The following PPFIBP1 variants were observed in gnomAD, a reference collection of about 807,000 sequenced individuals.
PPFIBP1 encodes the protein PPFIB scaffold protein 1, also known as liprin-beta-1.
PPFIBP1 carries 112 observed loss-of-function variants against 137.8 expected under a neutral mutation model. The observed-to-expected ratio is 0.81, with a 90% CI of 0.70 to 0.95. The LOEUF (loss-of-function observed/expected upper bound fraction) is 0.95, where lower values mean the gene tolerates loss of function less well. PPFIBP1 is among the 40% of genes least tolerant of loss of function. The probability of loss-of-function intolerance (pLI) is 0.00; values close to 1 mark genes in which losing one functional copy is unlikely to be tolerated. For missense variants in PPFIBP1, 1,083 were observed against 1,196.6 expected (o/e 0.91, Z 1.40); for synonymous variants, 378 against 417.3 (o/e 0.91, Z 1.15).
At chr12:27,658,660 ACCAATCCTG>A (rs1565956616) in intron 9 of PPFIBP1, among the ~76,000 whole-genome samples, 147 bp from the exon 10 acceptor site, 1 of 152,214 alleles carries the variant, frequency 6.6e-6, no homozygotes, top group Non-Finnish European at 1.5e-5. Flanking sequence ...TTATTGTACT[ACCAATCCTG>A]CAGTCACAAA....
intron 2 of PPFIBP1, among the ~76,000 whole-genome samples, chr12:27,610,027 T>C (rs1445438441): frequency 2.3e-4 from 35 of 152,134 alleles, no homozygotes; most frequent in Non-Finnish European, 5.9e-5. Flanking sequence ...TCCAGGTGAA[T>C]GCAGCCCCCG....
In PPFIBP1 at chr12:27,693,084, A is replaced by G. The variant is rs2061648472; in HGVS notation, c.*202A>G. On this transcript the variant is annotated 3_prime_UTR_variant, in exon 30 of 30. Transcript: ENST00000228425. ...AAATAAGACACTGGTGAATGAGAGT[A>G]TAATTGTTTTTCTTCTATTTAATGT... 1 of 646,754 alleles carries G rather than the reference A, an allele frequency of 1.5e-6. No individual in the cohort carries two copies. The highest frequency in any genetic ancestry group is 2.4e-6 in the Non-Finnish European group (1 of 422,070). The allele number at this position is 646,754 out of a possible 1,614,324, so 40.1% of individuals were successfully genotyped here.
intron 4 of PPFIBP1, among the ~76,000 whole-genome samples, 171 bp from the exon 5 acceptor site, chr12:27,645,889 ACC>A (rs2058442113): frequency 1.3e-5 from 2 of 152,138 alleles, no homozygotes; most frequent in Admixed American, 1.3e-4. Flanking sequence ...TGCCTGTCTT[ACC>A]TCTTTTGTGG....
chr12:27,679,926 T>G lies in PPFIBP1; in HGVS notation c.1767-7T>G. On this transcript the variant is annotated splice_polypyrimidine_tract_variant and splice_region_variant and intron_variant, in intron 20 of 29. Coordinates refer to ENST00000228425, the MANE Select transcript of PPFIBP1 (RefSeq NM_003622.4). ...CTAATACTGGCCATGTGTGTTGTCT[T>G]CTTTAGACTTAGGAGAAGTCAATCA... The G allele has an allele frequency of 6.2e-7, 1 of 1,614,092 alleles. No individual in the cohort carries two copies. Among genetic ancestry groups the G allele is most frequent in the East Asian group, 2.2e-5 (1 of 44,876 alleles).
At chr12:27,551,470 A>C (rs1302130317) in intron 1 of PPFIBP1, among the ~76,000 whole-genome samples, 1 of 152,178 alleles carries the variant, frequency 6.6e-6, no homozygotes, top group Admixed American at 6.5e-5. Context: ...GCAACAGAGG[A>C]GGTTTAAAAG....
At chr12:27,598,407 G>A (rs1209969807) in intron 2 of PPFIBP1, among the ~76,000 whole-genome samples, 1 of 152,080 alleles carries the variant, frequency 6.6e-6, no homozygotes, top group African/African-American at 2.4e-5. Flanking sequence ...AACAGCGTGG[G>A]AAAGACCCAC....
Position 27,646,067 on chromosome 12 carries a change from T to C in PPFIBP1, c.276T>C (p.Asn92=), listed in dbSNP as rs1479668226. 1.9e-6 allele frequency: 3 copies of C among 1,603,606 alleles called. No individual in the cohort carries two copies. In the Admixed American group the frequency reaches 5.0e-5, roughly 27 times the overall value. ...LVEWLQSQMT[N]GHLPGNGDVY... Reference sequence around the variant, plus strand: ...CATATTACTTCCTTTTTCAGACAAATGGACACCTACCAGGGAACGGAGATG... The same window carrying C: ...CATATTACTTCCTTTTTCAGACAAACGGACACCTACCAGGGAACGGAGATG... The change falls in exon 5 of 30, where the codon AAT becomes AAC. Residue 92 remains asparagine, a synonymous_variant. Transcript: ENST00000228425.
At position 27,620,435 on chromosome 12, in the gene PPFIBP1, C is replaced by A. The variant is rs1479369510; in HGVS notation, c.-35-12927C>A. 3.3e-5 allele frequency among the ~76,000 whole-genome samples: 5 copies of A among 152,326 alleles called. No homozygotes were observed. In the South Asian group the frequency reaches 6.2e-4, roughly 19 times the overall value. On this transcript the variant is annotated intron_variant, in intron 2 of 29. Coordinates refer to ENST00000228425, the MANE Select transcript of PPFIBP1 (RefSeq NM_003622.4). ...GGGGCCTTTGCATTTACTGTTGTTT[C>A]TCCCTGGAAGCTCTTCTCAGATATT...
chr12:27,617,497 C>G (rs1397234055), intron 2 of PPFIBP1, among the ~76,000 whole-genome samples: 1 of 152,088 alleles, frequency 6.6e-6, no homozygotes, highest in Non-Finnish European at 1.5e-5. Context: ...TACAATTGTC[C>G]CTTGGTATCC....
At chr12:27,618,785 C>T (rs1228139914) in intron 2 of PPFIBP1, among the ~76,000 whole-genome samples, 2 of 152,178 alleles carry the variant, frequency 1.3e-5, no homozygotes, top group African/African-American at 4.8e-5. Flanking sequence ...ATGTTTGGCT[C>T]AGAATAAATC....
intron 1 of PPFIBP1, among the ~76,000 whole-genome samples, chr12:27,529,525 C>T (rs890927612): frequency 6.6e-6 from 1 of 152,174 alleles, no homozygotes; most frequent in Admixed American, 6.5e-5. Flanking sequence ...AAAACCCCGT[C>T]TCTACTAAAA....
chr12:27,647,053 G>A (rs2058554303), intron 5 of PPFIBP1, among the ~76,000 whole-genome samples: 2 of 152,226 alleles, frequency 1.3e-5, no homozygotes, highest in African/African-American at 4.8e-5. Context: ...CGAGACGGGA[G>A]TGCAGTGGCA....
At chr12:27,651,082 G>A (rs1342273413) in intron 7 of PPFIBP1, among the ~76,000 whole-genome samples, 2 of 152,106 alleles carry the variant, frequency 1.3e-5, no homozygotes, top group African/African-American at 2.4e-5. Context: ...CTATAAGCCA[G>A]CATGATACCA....
chr12:27,570,045 A>G (rs138316758), intron 1 of PPFIBP1, among the ~76,000 whole-genome samples: 47 of 152,290 alleles, frequency 3.1e-4, no homozygotes, highest in African/African-American at 1.1e-3. Context: ...AGAGTTCTAC[A>G]ACATCGCCAC....
intron 3 of PPFIBP1, 41 bp from the exon 4 acceptor site, chr12:27,634,869 C>T (rs574725105): frequency 6.4e-7 from 1 of 1,555,010 alleles, no homozygotes; most frequent in Non-Finnish European, 8.9e-7. Flanking sequence ...TTTTATCTAA[C>T]ATAAATCCCA....
chr12:27,600,648 G>A (rs1260733853), intron 2 of PPFIBP1, among the ~76,000 whole-genome samples: 2 of 151,168 alleles, frequency 1.3e-5, no homozygotes, highest in African/African-American at 4.9e-5. Context: ...GCATTATTCT[G>A]AATTTGATGT....
intron 24 of PPFIBP1, among the ~76,000 whole-genome samples, chr12:27,686,848 C>T (rs2061233567): frequency 6.7e-6 from 1 of 148,496 alleles, no homozygotes; most frequent in Non-Finnish European, 1.5e-5. Flanking sequence ...ATAGCCTGGG[C>T]AGTATAGTGA....
At chr12:27,574,394 C>G (rs1442748969) in intron 1 of PPFIBP1, among the ~76,000 whole-genome samples, 1 of 152,144 alleles carries the variant, frequency 6.6e-6, no homozygotes, top group African/African-American at 2.4e-5. Flanking sequence ...CTCCTGAAGC[C>G]TTTCTGAAGG....
At chr12:27,598,043 G>A (rs1427241289) in intron 2 of PPFIBP1, among the ~76,000 whole-genome samples, 1 of 152,008 alleles carries the variant, frequency 6.6e-6, no homozygotes, top group Non-Finnish European at 1.5e-5. Context: ...GACCTCAGGC[G>A]ATCCACCCAC....
Sources: allele counts gnomAD v4.1 joint callset (sites outside exome capture counted in the v4.1 genomes callset), GRCh38; gene constraint gnomAD v4.1.1; transcripts MANE v1.5; gene names NCBI Gene and HGNC (gene_info 2026-07-23, HGNC 2026-07-21).